Variants in LOC400499 observed in about 807,000 individuals in gnomAD.
At chr16:11,428,230 C>T in the LOC400499 span, among the ~76,000 whole-genome samples, 4 of 144,808 alleles carry the variant, frequency 2.8e-5, no homozygotes, top group East Asian at 2.1e-4. Flanking sequence ...GCTGGAGTGC[C>T]GTGGCGTAAT....
At chr16:11,476,809 A>C in the LOC400499 span, 3 of 399,024 alleles carry the variant, frequency 7.5e-6, no homozygotes. Context: ...GTTCAGATGC[A>C]CCTTAAGGAC....
the LOC400499 span, among the ~76,000 whole-genome samples, chr16:11,456,142 T>G: frequency 1.3e-5 from 2 of 151,870 alleles, no homozygotes; most frequent in African/African-American, 2.4e-5. Context: ...CCTCCTGGGT[T>G]CAAGCGATCC....
At chr16:11,443,401 C>T in the LOC400499 span, 1 of 404,030 alleles carries the variant, frequency 2.5e-6, no homozygotes, top group Non-Finnish European at 4.7e-6. Context: ...GTGGAGGTTG[C>T]GGTGAGCTGA....
chr16:11,517,480 C>T, the LOC400499 span, among the ~76,000 whole-genome samples: 2 of 152,236 alleles, frequency 1.3e-5, no homozygotes, highest in Admixed American at 6.5e-5. Flanking sequence ...CCTCCACCCA[C>T]ATTCTGGATG....
the LOC400499 span, among the ~76,000 whole-genome samples, chr16:11,506,900 G>A: frequency 6.6e-6 from 1 of 152,184 alleles, no homozygotes; most frequent in Non-Finnish European, 1.5e-5. Context: ...TGCTTGGTGT[G>A]CACCGATGTG....
chr16:11,390,113 C>A, the LOC400499 span: 1 of 1,232,180 alleles, frequency 8.1e-7, no homozygotes, highest in East Asian at 3.2e-5. Flanking sequence ...ACCTGGCCGA[C>A]AGGCTGTACA....
chr16:11,399,405 G>A, the LOC400499 span: 84 of 508,948 alleles, frequency 1.7e-4, no homozygotes, highest in Non-Finnish European at 1.8e-4. Context: ...CCCCAGAGCT[G>A]GACGCTCCTG....
the LOC400499 span, among the ~76,000 whole-genome samples, chr16:11,388,938 T>G: frequency 6.6e-5 from 10 of 151,826 alleles, no homozygotes; most frequent in African/African-American, 2.4e-4. Context: ...AATACAAAAA[T>G]TCGCTGGGCT....
the LOC400499 span, chr16:11,390,289 G>A: frequency 4.9e-5 from 61 of 1,232,664 alleles, no homozygotes; most frequent in South Asian, 8.2e-5. Flanking sequence ...CAGCTCCAGG[G>A]CTCCTTTCAT....
the LOC400499 span, chr16:11,383,724 G>C: frequency 2.4e-6 from 3 of 1,232,352 alleles, no homozygotes; most frequent in Non-Finnish European, 3.0e-6. Context: ...AGGCAGGCTG[G>C]AGCTCCTGGG....
the LOC400499 span, chr16:11,399,201 C>T: frequency 1.0e-6 from 1 of 985,202 alleles, no homozygotes. Context: ...TCCCGAGAAG[C>T]CCCCTAGCAT....
At chr16:11,483,019 T>C in the LOC400499 span, among the ~76,000 whole-genome samples, 3 of 152,126 alleles carry the variant, frequency 2.0e-5, no homozygotes, top group African/African-American at 7.2e-5. Flanking sequence ...AATGTACATT[T>C]CACCAAAGAA....
At chr16:11,526,662 C>T in the LOC400499 span, among the ~76,000 whole-genome samples, 1 of 152,052 alleles carries the variant, frequency 6.6e-6, no homozygotes, top group Non-Finnish European at 1.5e-5. Flanking sequence ...TTAATTTCAC[C>T]TGCCTTTTTA....
At chr16:11,517,637 G>A in the LOC400499 span, among the ~76,000 whole-genome samples, 1 of 152,190 alleles carries the variant, frequency 6.6e-6, no homozygotes, top group Admixed American at 6.5e-5. Context: ...AGGAAATGAG[G>A]TCCCGAGACG....
the LOC400499 span, among the ~76,000 whole-genome samples, chr16:11,441,646 C>A: frequency 6.6e-6 from 1 of 152,022 alleles, no homozygotes; most frequent in African/African-American, 2.4e-5. Context: ...ATCTGGGTGG[C>A]CCTAAAGTAA....
the LOC400499 span, chr16:11,401,325 A>C: frequency 1.0e-5 from 4 of 399,274 alleles, no homozygotes; most frequent in East Asian, 1.4e-4. Context: ...GCTTGCCGCC[A>C]AGGGAGGTTG....
the LOC400499 span, among the ~76,000 whole-genome samples, chr16:11,476,371 T>A: frequency 1.3e-5 from 2 of 151,358 alleles, no homozygotes; most frequent in Admixed American, 1.3e-4. Flanking sequence ...AGCTGAGGGG[T>A]CTGAAAGTTC....
chr16:11,461,051 C>G, the LOC400499 span: 1 of 1,536,170 alleles, frequency 6.5e-7, no homozygotes, highest in Non-Finnish European at 8.7e-7. Flanking sequence ...CCCACCAGCC[C>G]TGGCACAAAC....
chr16:11,412,831 C>A, the LOC400499 span: 10 of 398,936 alleles, frequency 2.5e-5, no homozygotes, highest in African/African-American at 8.2e-5. Flanking sequence ...CTCCTGGGGG[C>A]CCCCCTCACC....
Sources: allele counts gnomAD v4.1 joint callset (sites outside exome capture counted in the v4.1 genomes callset), GRCh38; gene constraint gnomAD v4.1.1; transcripts MANE v1.5.